The following MINK1 variants were observed in gnomAD, a reference collection of about 807,000 sequenced individuals.
MINK1 encodes misshapen-like kinase 1.
In MINK1, 46 loss-of-function variants were observed where a neutral mutation model predicts 178.4. The observed-to-expected ratio is 0.26, with a 90% CI of 0.20 to 0.33. The LOEUF (loss-of-function observed/expected upper bound fraction) is 0.33, where lower values mean the gene tolerates loss of function less well. MINK1 is among the 10% of genes least tolerant of loss of function. The pLI, the probability that MINK1 is intolerant of heterozygous loss-of-function variation, is 1.00. For synonymous variants in MINK1, 797 were observed against 709.7 expected, an observed-to-expected ratio of 1.12 and a Z score of -1.96; for missense variants, 1,366 against 1,814.9, an observed-to-expected ratio of 0.75 and a Z score of 4.49.
In MINK1 at chr17:4,885,120, T is replaced by C. The variant is rs533548014; in HGVS notation, c.508+118T>C. ...CTCCCTTCCTACTGGGGAGGCTCAC[T>C]CCCTCCCCTTTCCCCTCTCCCCCTG... On this transcript the variant is annotated intron_variant, in intron 6 of 31. Transcript: ENST00000355280. The surrounding 1 kb of genome is among the most constrained non-coding windows in gnomAD (Gnocchi z 5.0). The C allele has an allele frequency of 2.2e-6, 2 of 901,540 alleles. No individual in the cohort carries two copies. Among genetic ancestry groups the C allele is most frequent in the Admixed American group, 2.3e-5 (1 of 43,082 alleles). The allele number at this position is 901,540 out of a possible 1,614,324, so 55.8% of individuals were successfully genotyped here.
chr17:4,845,290 T>C (rs1910849782), intron 1 of MINK1, among the ~76,000 whole-genome samples: 1 of 152,064 alleles, frequency 6.6e-6, no homozygotes, highest in Non-Finnish European at 1.5e-5. Flanking sequence ...AAGTTAAGGG[T>C]TTCTGTTCCG....
chr17:4,887,226 G>C lies in MINK1; in HGVS notation c.1019+47G>C, dbSNP rs368937049. The C allele has an allele frequency of 3.0e-5, 46 of 1,533,796 alleles. No homozygotes were observed. Among genetic ancestry groups the C allele is most frequent in the South Asian group, 1.9e-4 (16 of 84,450 alleles). On this transcript the variant is annotated intron_variant, in intron 11 of 31. Transcript: ENST00000355280. The surrounding 1 kb of genome is among the most constrained non-coding windows in gnomAD (Gnocchi z 7.6). ...GGGGTTGGGGCGGTCATCGCTGAGT[G>C]GGGGGACTACAGTGGTGCTTGGCTT...
chr17:4,892,458 C>A lies in MINK1; in HGVS notation c.2144C>A (p.Thr715Asn), dbSNP rs376364419. The A allele has an allele frequency of 1.9e-6, 3 of 1,566,208 alleles. No individual in the cohort carries two copies. In the Admixed American group the frequency reaches 5.6e-5, roughly 29 times the overall value. ...CTGCAAAGGCGGGCAGAGCGGGGCA[C>A]CCCAAAGCCTCCAGGGCCCCCTGCT... ...IYLQRRAERG[T>N]PKPPGPPAQP... Residue 715 changes from threonine (T) to asparagine (N), a missense_variant, in exon 18 of 32, where the codon ACC becomes AAC. Coordinates refer to ENST00000355280, the MANE Select transcript of MINK1 (RefSeq NM_153827.5).
chr17:4,872,610 A>C (rs1915987893), intron 1 of MINK1, among the ~76,000 whole-genome samples: 1 of 152,048 alleles, frequency 6.6e-6, no homozygotes, highest in Non-Finnish European at 1.5e-5. Context: ...GTCTCTACTA[A>C]AAATACAAAA....
In MINK1 at chr17:4,886,034, G is replaced by A; in HGVS notation, c.694+69G>A. On this transcript the variant is annotated intron_variant, in intron 8 of 31. Transcript: ENST00000355280. This position sits in a 1 kb window ranked among gnomAD's most constrained non-coding sequence, Gnocchi z 6.1. Reference sequence around the variant, plus strand: ...GGGCCCAGAGAGTGGCTGTAGGGAGGAGGTGGGTCCTGGGACCCTGCCGAG... The same window carrying A: ...GGGCCCAGAGAGTGGCTGTAGGGAGAAGGTGGGTCCTGGGACCCTGCCGAG... The A allele has an allele frequency of 6.2e-7, 1 of 1,609,178 alleles. No individual in the cohort carries two copies. The highest frequency in any genetic ancestry group is 1.1e-5 in the South Asian group (1 of 90,982).
Position 4,893,434 on chromosome 17 carries a change from G to A in MINK1, c.2401G>A (p.Asp801Asn), listed in dbSNP as rs1206011348. 6.3e-7 allele frequency: 1 copy of A among 1,595,952 alleles called. No homozygotes were observed. Among genetic ancestry groups the A allele is most frequent in the Non-Finnish European group, 8.6e-7 (1 of 1,165,348 alleles). Reference sequence around the variant, plus strand: ...CCCCTCACGTGGCTCCTCCCTGCAGGACTTTGTGTTGCTGAAAGAGCGGAC... The same window carrying A: ...CCCCTCACGTGGCTCCTCCCTGCAGAACTTTGTGTTGCTGAAAGAGCGGAC... ...DHRSRPGRPA[D>N]FVLLKERTLD... The change falls in exon 21 of 32, where the codon GAC (aspartate) becomes AAC (asparagine). Residue 801 changes from aspartate (D) to asparagine (N), a missense_variant and splice_region_variant. Coordinates refer to ENST00000355280, the MANE Select transcript of MINK1 (RefSeq NM_153827.5).
Position 4,887,659 on chromosome 17 carries a change from G to A in MINK1, c.1099G>A (p.Glu367Lys). The change falls in exon 12 of 32, where the codon GAG becomes AAG. Residue 367 changes from glutamate to lysine, a missense_variant. Physicochemically the swap from Glu to Lys is moderately conservative, Grantham distance 56. Coordinates refer to ENST00000355280, the MANE Select transcript of MINK1 (RefSeq NM_153827.5). This position sits in a 1 kb window ranked among gnomAD's most constrained non-coding sequence, Gnocchi z 7.6. ...RLQQENKSNS[E>K]ALKQQQQLQQ... The stretch of plus-strand genomic sequence containing the variant: ...CCAGCAGGAAAATAAGAGCAACTCA[G>A]AGGCTTTAAAACAGCAGCAGCAGCT... 1 of 1,568,376 alleles carries A rather than the reference G, an allele frequency of 6.4e-7. No individual in the cohort carries two copies. Among genetic ancestry groups the A allele is most frequent in the Non-Finnish European group, 8.6e-7 (1 of 1,158,028 alleles).
intron 4 of MINK1, chr17:4,882,848 C>A (rs1390569873): frequency 6.6e-6 from 1 of 152,124 alleles, no homozygotes; most frequent in Non-Finnish European, 1.5e-5. Context: ...AGGCCAGACG[C>A]AATGGCTCAA....
chr17:4,897,242 A>C lies in MINK1; in HGVS notation c.3954A>C (p.Gln1318His). The change falls in exon 32 of 32, where the codon CAA becomes CAC. Residue 1318 changes from glutamine to histidine, a missense_variant. Coordinates refer to ENST00000355280, the MANE Select transcript of MINK1 (RefSeq NM_153827.5). ...FASVRSGGSSQVYFMTLNRNC... is the reference protein window; with the variant it reads ...FASVRSGGSSHVYFMTLNRNC... ...CAGTCCGCTCTGGGGGCAGCAGCCA[A>C]GTTTACTTCATGACTCTGAACCGTA... The C allele has an allele frequency of 1.2e-6, 2 of 1,613,562 alleles. No homozygotes were observed. The highest frequency in any genetic ancestry group is 8.5e-7 in the Non-Finnish European group (1 of 1,179,722).
At chr17:4,877,872 G>A (rs1044781554) in intron 1 of MINK1, among the ~76,000 whole-genome samples, 3 of 147,656 alleles carry the variant, frequency 2.0e-5, no homozygotes, top group South Asian at 2.2e-4. Flanking sequence ...GTGCAGTGGC[G>A]CAATCTCAGC....
chr17:4,891,971 A>G (rs1968866097), intron 16 of MINK1, among the ~76,000 whole-genome samples, 178 bp from the exon 17 acceptor site: 1 of 152,128 alleles, frequency 6.6e-6, no homozygotes, highest in South Asian at 2.1e-4. Flanking sequence ...TTTGCCAGTT[A>G]GAACCGCAGC....
intron 1 of MINK1, among the ~76,000 whole-genome samples, chr17:4,839,150 A>G (rs527381673): frequency 2.6e-5 from 4 of 152,096 alleles, no homozygotes; most frequent in Non-Finnish European, 5.9e-5. Flanking sequence ...TCACCGTGTT[A>G]GCCAGGATGG....
At position 4,885,851 on chromosome 17, in the gene MINK1, G is replaced by A; in HGVS notation, c.640-60G>A. ...CTGAGAGGCCAGGATGGTGGGTGAA[G>A]AGAGGTTGCAGGGCAGAGTTGTCAG... On this transcript the variant is annotated intron_variant, in intron 7 of 31. Coordinates refer to ENST00000355280, the MANE Select transcript of MINK1 (RefSeq NM_153827.5). The surrounding 1 kb of genome is among the most constrained non-coding windows in gnomAD (Gnocchi z 5.0). 6.3e-7 allele frequency: 1 copy of A among 1,585,452 alleles called. No homozygotes were observed. The highest frequency in any genetic ancestry group is 1.1e-5 in the South Asian group (1 of 89,946).
chr17:4,876,534 C>G (rs144949568), intron 1 of MINK1, among the ~76,000 whole-genome samples: 1 of 152,252 alleles, frequency 6.6e-6, no homozygotes, highest in Non-Finnish European at 1.5e-5. Flanking sequence ...CTTATTACTT[C>G]AGTGGATGAA....
Position 4,896,869 on chromosome 17 carries a change from C to A in MINK1, c.3915+56C>A, listed in dbSNP as rs765663156. On this transcript the variant is annotated intron_variant, in intron 31 of 31. Transcript: ENST00000355280. The surrounding 1 kb of genome is among the most constrained non-coding windows in gnomAD (Gnocchi z 4.6). The stretch of plus-strand genomic sequence containing the variant: ...CTGTCCCGGCTGCCATGACCCTAGG[C>A]CCCTGGGCAGAGTTCTGGGGAGAGG... 14 of 1,511,858 alleles carry A rather than the reference C, an allele frequency of 9.3e-6. No homozygotes were observed. Among genetic ancestry groups the A allele is most frequent in the East Asian group, 2.3e-5 (1 of 43,682 alleles). 93.7% of individuals were successfully genotyped at this position (1,511,858 alleles called of 1,614,324 possible).
At chr17:4,871,181 A>ATTTTTT in intron 1 of MINK1, 1 of 134,578 alleles carries the variant, frequency 7.4e-6, no homozygotes, top group South Asian at 1.2e-4. Context: ...GTTTGTTTTA[A>ATTTTTT]TTTTTTTTTT....
At chr17:4,875,718 G>A (rs534824807) in intron 1 of MINK1, among the ~76,000 whole-genome samples, 1 of 151,986 alleles carries the variant, frequency 6.6e-6, no homozygotes, top group Non-Finnish European at 1.5e-5. Context: ...GTTGCGGTGA[G>A]CCAAGATCGT....
chr17:4,847,230 GTTCATTCATTCATTCA>G (rs59076401), intron 1 of MINK1: 6 of 460,886 alleles, frequency 1.3e-5, no homozygotes, highest in African/African-American at 6.0e-5. Flanking sequence ...TTTGGTTCCA[GTTCATTCATTCATTCA>G]TTCATTCATT....
At chr17:4,892,373 C>T (rs565980340) in intron 17 of MINK1, 29 bp from the exon 18 acceptor site, 24 of 1,516,256 alleles carry the variant, frequency 1.6e-5, no homozygotes, top group Admixed American at 4.1e-5. Flanking sequence ...CCCCGCCGCC[C>T]CCTCGGCACC....
Sources: gnomAD v4.1 joint callset for allele counts (sites outside exome capture counted in the v4.1 genomes callset) on GRCh38, gnomAD v4.1.1 for gene constraint, Gnocchi (gnomAD v3.1) non-coding constraint, MANE v1.5 for transcripts, NCBI Gene and HGNC (gene_info 2026-07-23, HGNC 2026-07-21) for gene names.